The following ADCY7 variants were observed in gnomAD, a reference collection of about 807,000 sequenced individuals.
ADCY7 encodes the protein adenylate cyclase 7.
Under a neutral mutation model 120.6 loss-of-function variants are expected in ADCY7, and 72 were observed. The ratio of observed to expected loss-of-function variants is 0.60; its 90% confidence interval spans 0.49 to 0.73. The LOEUF (loss-of-function observed/expected upper bound fraction) is 0.73. Among genes scored for constraint, ADCY7 ranks in the 30% least tolerant of loss-of-function variants. The pLI is 0.00. For synonymous variants in ADCY7, 661 were observed against 628.0 expected, an observed-to-expected ratio of 1.05 and a Z score of -0.78; for missense variants, 1,227 against 1,486.0, an observed-to-expected ratio of 0.83 and a Z score of 2.87.
At chr16:50,289,869 G>C (rs546427959) in intron 2 of ADCY7, among the ~76,000 whole-genome samples, 39 of 152,366 alleles carry the variant, frequency 2.6e-4, no homozygotes, top group Non-Finnish European at 5.0e-4. Context: ...CCTAGCAGCT[G>C]CCAGTGCAGC....
intron 1 of ADCY7, among the ~76,000 whole-genome samples, chr16:50,267,356 G>A (rs2033280676): frequency 6.6e-6 from 1 of 152,202 alleles, no homozygotes; most frequent in South Asian, 2.1e-4. Context: ...ATCACATCAG[G>A]GTCAAGGGCA....
chr16:50,264,294 A>G (rs1484424524), upstream of ADCY7, among the ~76,000 whole-genome samples: 1 of 152,228 alleles, frequency 6.6e-6, no homozygotes, highest in Non-Finnish European at 1.5e-5. Flanking sequence ...GTTGTGTGTT[A>G]GCAGTGATCT....
At chr16:50,277,338 C>T (rs921150089) in intron 1 of ADCY7, among the ~76,000 whole-genome samples, 1 of 152,136 alleles carries the variant, frequency 6.6e-6, no homozygotes, top group South Asian at 2.1e-4. Context: ...TTTGGTAGGT[C>T]AAAAAGCAAA....
chr16:50,309,921 C>T (rs2036340385), intron 18 of ADCY7, among the ~76,000 whole-genome samples: 1 of 152,130 alleles, frequency 6.6e-6, no homozygotes, highest in South Asian at 2.1e-4. Flanking sequence ...GTGCGGGTCT[C>T]TGGTCAGGGC....
At chr16:50,266,864 G>A (rs1019904678) in intron 1 of ADCY7, among the ~76,000 whole-genome samples, 184 bp downstream of exon 1, 34 of 152,154 alleles carry the variant, frequency 2.2e-4, no homozygotes, top group African/African-American at 4.8e-5. Context: ...TGGGAGAGGC[G>A]GCCCTTCAAC....
rs183078034 is a variant in ADCY7, at chr16:50,309,475, G to A, written c.2062-73G>A. The A allele has an allele frequency of 6.2e-6, 8 of 1,281,550 alleles. No individual in the cohort carries two copies. The East Asian group carries it at 1.6e-4, about 26-fold the overall frequency. The allele number at this position is 1,281,550 out of a possible 1,614,324, so 79.4% of individuals were successfully genotyped here. A position where few individuals can be genotyped will look rare whatever the true frequency, so the allele number is the denominator to read the frequency against. On this transcript the variant is annotated intron_variant, in intron 17 of 25. Coordinates refer to ENST00000673801, the MANE Select transcript of ADCY7 (RefSeq NM_001114.5). ...GCTGTGATACTCATGGTTGCCTGGGGCCCACCTTGCATGGCTTGGGCAGGT... is the reference window on the plus strand; with the variant it reads ...GCTGTGATACTCATGGTTGCCTGGGACCCACCTTGCATGGCTTGGGCAGGT...
At chr16:50,302,689 T>G (rs950135890) in intron 10 of ADCY7, among the ~76,000 whole-genome samples, 4 of 152,058 alleles carry the variant, frequency 2.6e-5, no homozygotes, top group Admixed American at 6.6e-5. Context: ...AGAGGGGACC[T>G]GTGCAGTGAG....
chr16:50,305,777 G>A lies in ADCY7; in HGVS notation c.1680G>A (p.Arg560=). 2.5e-6 allele frequency: 4 copies of A among 1,613,908 alleles called. No individual in the cohort carries two copies. Among genetic ancestry groups the A allele is most frequent in the South Asian group, 2.2e-5 (2 of 91,078 alleles). ...LSAIEGLSST[R]PCCSKSDDFY... ...TCACCGCAGCTGCCCCCGCCCACAG[G>A]CCCTGCTGCTCCAAGTCCGATGACT... The change falls in exon 14 of 26, where the codon AGG becomes AGA. Residue 560 remains arginine (R), a splice_region_variant and synonymous_variant. Coordinates refer to ENST00000673801, the MANE Select transcript of ADCY7 (RefSeq NM_001114.5).
At chr16:50,311,477 G>T (rs1458918655) in intron 19 of ADCY7, among the ~76,000 whole-genome samples, 1 of 152,152 alleles carries the variant, frequency 6.6e-6, no homozygotes, top group Non-Finnish European at 1.5e-5. Flanking sequence ...TCATTCAGGG[G>T]TGAGATCAGA....
chr16:50,261,522 G>A (rs1273092455), intron 1 of ADCY7, among the ~76,000 whole-genome samples: 3 of 150,972 alleles, frequency 2.0e-5, no homozygotes, highest in East Asian at 3.9e-4. Flanking sequence ...GGGCAGGCAC[G>A]TCGCAGAGCC....
intron 2 of ADCY7, among the ~76,000 whole-genome samples, chr16:50,289,575 C>T (rs1296408008): frequency 2.0e-5 from 3 of 152,256 alleles, no homozygotes; most frequent in African/African-American, 7.2e-5. Flanking sequence ...AAGTGATTCT[C>T]CTGCCTCAGC....
In ADCY7 at chr16:50,316,589, T is replaced by C. The variant is rs1266050883; in HGVS notation, c.*1084T>C. The C allele has an allele frequency of 6.6e-6, 1 of 152,336 alleles. No individual in the cohort carries two copies. The highest frequency in any genetic ancestry group is 2.4e-5 in the African/African-American group (1 of 41,434). 9.4% of individuals were successfully genotyped at this position (152,336 alleles called of 1,614,324 possible). On this transcript the variant is annotated 3_prime_UTR_variant, in exon 26 of 26. Coordinates refer to ENST00000673801, the MANE Select transcript of ADCY7 (RefSeq NM_001114.5). ...GAAGGATCTACTCCGCATGGGTGCATGCAGAGGCTCCTGGATCTGGGAAGC... is the reference window on the plus strand; with the variant it reads ...GAAGGATCTACTCCGCATGGGTGCACGCAGAGGCTCCTGGATCTGGGAAGC...
chr16:50,289,657 G>C (rs935734712), intron 2 of ADCY7, among the ~76,000 whole-genome samples: 9 of 152,110 alleles, frequency 5.9e-5, no homozygotes, highest in Non-Finnish European at 1.0e-4. Context: ...GTAAAGACAG[G>C]GTTTCACCAT....
rs540394668 is a variant in ADCY7, at chr16:50,269,542, G to A, written c.-269+2862G>A. Among the ~76,000 whole-genome samples, 5 of 152,304 alleles carry A rather than the reference G, an allele frequency of 3.3e-5. No homozygotes were observed. The East Asian group carries it at 5.8e-4, about 18-fold the overall frequency. On this transcript the variant is annotated intron_variant, in intron 1 of 25. Transcript: ENST00000673801. The stretch of plus-strand genomic sequence containing the variant: ...GCTGGGCCAGGGTGGGCTGTCTCAC[G>A]TGCTTTCCTGGATGTGTGGTTGGGT...
intron 10 of ADCY7, 81 bp from the exon 11 acceptor site, chr16:50,304,279 A>C: frequency 7.7e-7 from 1 of 1,292,750 alleles, no homozygotes. Flanking sequence ...CACTTCAGGG[A>C]GAGCTGGATG....
rs183776892 is a variant in ADCY7, at chr16:50,307,770, C to T, written c.1851-557C>T. ...CCCAGCACTTTGGGAGGCTGCGGGG[C>T]GAATCACTCGAGGTCAGGGGTTTGA... On this transcript the variant is annotated intron_variant, in intron 15 of 25. Coordinates refer to ENST00000673801, the MANE Select transcript of ADCY7 (RefSeq NM_001114.5). 3.3e-3 allele frequency among the ~76,000 whole-genome samples: 495 copies of T among 152,038 alleles called. 4 individuals are homozygous for T. The highest frequency in any genetic ancestry group is 0.012 in the African/African-American group (483 of 41,460).
At chr16:50,286,152 G>A (rs189873937) in intron 1 of ADCY7, among the ~76,000 whole-genome samples, 11 of 151,826 alleles carry the variant, frequency 7.2e-5, no homozygotes, top group South Asian at 4.2e-4. Flanking sequence ...TTAACACTTC[G>A]GAGGCTGAGG....
Position 50,307,857 on chromosome 16 carries a change from G to A in ADCY7, c.1851-470G>A, listed in dbSNP as rs1335331972. Among the ~76,000 whole-genome samples the A allele has an allele frequency of 6.6e-5, 10 of 152,232 alleles. No homozygotes were observed. The East Asian group carries it at 7.7e-4, about 12-fold the overall frequency. On this transcript the variant is annotated intron_variant, in intron 15 of 25. Coordinates refer to ENST00000673801, the MANE Select transcript of ADCY7 (RefSeq NM_001114.5). The stretch of plus-strand genomic sequence containing the variant: ...CCAAAAATACAAAAATTAGCTGGGC[G>A]TGGTGGCTGGCGCCTGTAATCCCAG...
intron 1 of ADCY7, among the ~76,000 whole-genome samples, chr16:50,271,192 G>C (rs1350599762): frequency 6.6e-6 from 1 of 152,168 alleles, no homozygotes; most frequent in Non-Finnish European, 1.5e-5. Flanking sequence ...TTCCTCTTTG[G>C]TGGCCTTTTT....
Sources: allele counts gnomAD v4.1 joint callset (sites outside exome capture counted in the v4.1 genomes callset), GRCh38; gene constraint gnomAD v4.1.1; transcripts MANE v1.5; gene names NCBI Gene and HGNC (gene_info 2026-07-23, HGNC 2026-07-21).